Variants in FAT3 observed in about 807,000 individuals in gnomAD.
FAT3 encodes the protein FAT atypical cadherin 3, also known as protocadherin Fat 3.
In FAT3, 95 loss-of-function variants were observed where a neutral mutation model predicts 310.2. The observed-to-expected ratio is 0.31, with a 90% CI of 0.26 to 0.36. The LOEUF is 0.36. Among genes scored for constraint, FAT3 ranks in the 10% least tolerant of loss-of-function variants. The pLI is 1.00. For missense variants in FAT3, 5,408 were observed against 5,715.6 expected (o/e 0.95, Z 1.74); for synonymous variants, 2,314 against 2,192.9 (o/e 1.06, Z -1.54).
intron 13 of FAT3, among the ~76,000 whole-genome samples, chr11:92,818,536 T>A (rs1947882131): frequency 6.6e-6 from 1 of 151,976 alleles, no homozygotes. Context: ...ACAGCACCCC[T>A]GGGTTTCTCC....
chr11:92,672,587 G>C, intron 3 of FAT3, among the ~76,000 whole-genome samples: 1 of 152,166 alleles, frequency 6.6e-6, no homozygotes, highest in East Asian at 1.9e-4. Context: ...AAATATATCA[G>C]TCAGCATAGT....
At chr11:92,360,068 A>G (rs1948840633) in intron 2 of FAT3, among the ~76,000 whole-genome samples, 1 of 152,126 alleles carries the variant, frequency 6.6e-6, no homozygotes, top group South Asian at 2.1e-4. Flanking sequence ...GACTTCCACA[A>G]TGGTTGAACT....
intron 3 of FAT3, among the ~76,000 whole-genome samples, chr11:92,602,472 G>A (rs535673796): frequency 5.0e-4 from 76 of 152,278 alleles, no homozygotes; most frequent in African/African-American, 1.8e-3. Flanking sequence ...CAGATTGGCC[G>A]GTTAGCCTGT....
chr11:92,858,732 T>C (rs1949046748), intron 20 of FAT3, among the ~76,000 whole-genome samples: 1 of 152,188 alleles, frequency 6.6e-6, no homozygotes, highest in East Asian at 1.9e-4. Context: ...TTGGGGAACA[T>C]GGATATCATT....
intron 2 of FAT3, among the ~76,000 whole-genome samples, chr11:92,370,041 C>T (rs1489103963): frequency 2.0e-5 from 3 of 152,136 alleles, no homozygotes; most frequent in Admixed American, 2.0e-4. Context: ...CTTTTGAGAG[C>T]TGCGCTAATA....
At chr11:92,320,476 T>G (rs1214311803) in intron 1 of FAT3, among the ~76,000 whole-genome samples, 2 of 152,174 alleles carry the variant, frequency 1.3e-5, no homozygotes, top group Admixed American at 6.5e-5. Context: ...AGTTTGGGAC[T>G]TAGAGTTAAT....
chr11:92,548,581 A>G (rs968088313), intron 3 of FAT3, among the ~76,000 whole-genome samples: 12 of 152,220 alleles, frequency 7.9e-5, no homozygotes, highest in African/African-American at 2.9e-4. Context: ...ATTTTAGGGC[A>G]CTTATAACAA....
chr11:92,549,555 T>G (rs1205335333), intron 3 of FAT3, among the ~76,000 whole-genome samples: 1 of 151,870 alleles, frequency 6.6e-6, no homozygotes, highest in Non-Finnish European at 1.5e-5. Context: ...ATGTTATGAC[T>G]TTGGCATTTA....
At chr11:92,556,846 A>T (rs537876232) in intron 3 of FAT3, among the ~76,000 whole-genome samples, 48 of 151,976 alleles carry the variant, frequency 3.2e-4, no homozygotes, top group Non-Finnish European at 1.9e-4. Flanking sequence ...CAATTACAAC[A>T]CTCATAACAC....
At chr11:92,859,415 T>A (rs1949066788) in intron 21 of FAT3, 93 bp downstream of exon 21, 5 of 1,312,334 alleles carry the variant, frequency 3.8e-6, no homozygotes, top group Admixed American at 5.4e-5. Flanking sequence ...TTTTGTCTTT[T>A]AAGTTCAGAA....
At chr11:92,415,268 T>C (rs1950382940) in intron 2 of FAT3, among the ~76,000 whole-genome samples, 1 of 152,218 alleles carries the variant, frequency 6.6e-6, no homozygotes, top group African/African-American at 2.4e-5. Flanking sequence ...AAATGTGTTC[T>C]CGTTTGATCT....
chr11:92,868,461 G>T (rs1038816640), intron 22 of FAT3, among the ~76,000 whole-genome samples: 2 of 152,104 alleles, frequency 1.3e-5, no homozygotes, highest in African/African-American at 4.8e-5. Context: ...CCAAATGATG[G>T]GCAGTAACTA....
At chr11:92,614,168 T>G (rs2135636703) in intron 3 of FAT3, among the ~76,000 whole-genome samples, 1 of 152,324 alleles carries the variant, frequency 6.6e-6, no homozygotes, top group South Asian at 2.1e-4. Context: ...TGGGACTGTT[T>G]CCATGTTTTT....
chr11:92,473,017 C>T (rs926762659), intron 2 of FAT3, among the ~76,000 whole-genome samples: 1 of 152,164 alleles, frequency 6.6e-6, no homozygotes, highest in Non-Finnish European at 1.5e-5. Context: ...GCTTTGCAAA[C>T]CTGCTTATCC....
chr11:92,799,833 G>A lies in FAT3; in HGVS notation c.6820G>A (p.Asp2274Asn). Residue 2274 changes from aspartate to asparagine, a missense_variant, in exon 10 of 28, where the codon GAC becomes AAC. Transcript: ENST00000525166. ...TGGTGCTAGGGCTGAAGTCACTGTT[G>A]ACTTGCTAGTTAATGATGTAAATGA... ...LTGARAEVTV[D>N]LLVNDVNDNP... 6.2e-7 allele frequency: 1 copy of A among 1,613,354 alleles called. No homozygotes were observed. The highest frequency in any genetic ancestry group is 8.5e-7 in the Non-Finnish European group (1 of 1,179,628).
chr11:92,386,392 CAT>C (rs1283724688), intron 2 of FAT3, among the ~76,000 whole-genome samples: 1 of 152,138 alleles, frequency 6.6e-6, no homozygotes, highest in Non-Finnish European at 1.5e-5. Context: ...ACATAGTGAA[CAT>C]TCAATAAACG....
chr11:92,339,057 G>T (rs749581972), intron 1 of FAT3, among the ~76,000 whole-genome samples: 1 of 152,100 alleles, frequency 6.6e-6, no homozygotes, highest in Non-Finnish European at 1.5e-5. Flanking sequence ...ATTCCTTTTG[G>T]GAGTTGTTTT....
At chr11:92,251,083 G>C (rs565965804) in intron 1 of FAT3, among the ~76,000 whole-genome samples, 1 of 152,224 alleles carries the variant, frequency 6.6e-6, no homozygotes, top group East Asian at 1.9e-4. Context: ...ATTCAGAAAA[G>C]TTCCCTTTAA....
intron 1 of FAT3, among the ~76,000 whole-genome samples, chr11:92,280,745 C>T (rs1946398534): frequency 6.6e-6 from 1 of 152,132 alleles, no homozygotes. Flanking sequence ...TTTATTAGGC[C>T]ACTCCCTCAC....
Sources: gnomAD v4.1 joint callset for allele counts (sites outside exome capture counted in the v4.1 genomes callset) on GRCh38, gnomAD v4.1.1 for gene constraint, MANE v1.5 for transcripts, NCBI Gene and HGNC (gene_info 2026-07-23, HGNC 2026-07-21) for gene names.